The following SCO2 variants were observed in gnomAD, a reference collection of about 807,000 sequenced individuals.
SCO2 encodes cytochrome c oxidase assembly factor SCO2.
For synonymous variants in SCO2, 195 were observed against 148.6 expected (o/e 1.31, Z -2.27); for missense variants, 429 against 348.7 (o/e 1.23, Z -1.83).
Position 50,523,582 on chromosome 22 carries a change from T to C in SCO2, c.*29A>G, listed in dbSNP as rs2069182922. 6.2e-7 allele frequency: 1 copy of C among 1,611,128 alleles called. No homozygotes were observed. The highest frequency in any genetic ancestry group is 1.3e-5 in the African/African-American group (1 of 74,852). ...ACACACACAGATTAAACGCAGCCCG[T>C]TTAATGATGGGGCCCAGACTGCAGT... On this transcript the variant is annotated 3_prime_UTR_variant, in exon 2 of 2. Transcript: ENST00000395693.
At chr22:50,524,732 C>T in intron 1 of SCO2, 3 of 576,358 alleles carry the variant, frequency 5.2e-6, no homozygotes, top group Non-Finnish European at 1.0e-5. Context: ...CATGCCTTGC[C>T]TGAACTAACC....
At chr22:50,525,195 G>T (rs1268195941) in intron 1 of SCO2, among the ~76,000 whole-genome samples, 1 of 152,252 alleles carries the variant, frequency 6.6e-6, no homozygotes, top group Non-Finnish European at 1.5e-5. Context: ...GGGCGGTTCT[G>T]GGTTTGTGCC....
intron 1 of SCO2, 34 bp from the exon 2 acceptor site, chr22:50,524,458 G>A (rs766166937): frequency 3.1e-6 from 5 of 1,592,604 alleles, no homozygotes; most frequent in African/African-American, 2.7e-5. Flanking sequence ...GAGCCAGAAG[G>A]GAAGGCCCAG....
chr22:50,523,812 C>T lies in SCO2; in HGVS notation c.600G>A (p.Gln200=), dbSNP rs1308401413. The T allele has an allele frequency of 6.2e-7, 1 of 1,614,006 alleles. No homozygotes were observed. The highest frequency in any genetic ancestry group is 8.5e-7 in the Non-Finnish European group (1 of 1,180,040). Residue 200 remains glutamine (Q), a synonymous_variant, in exon 2 of 2, where the codon CAG becomes CAA. Coordinates refer to ENST00000395693, the MANE Select transcript of SCO2 (RefSeq NM_005138.3). The stretch of plus-strand genomic sequence containing the variant: ...AGTACACGCGGTAACTGTGACTAGC[C>T]TGGGCAACCTGTTTGGTGGAGCCGG... ...GLTGSTKQVA[Q]ASHSYRVYYN...
upstream of SCO2, chr22:50,525,726 C>A: frequency 6.3e-7 from 1 of 1,594,766 alleles, no homozygotes; most frequent in Non-Finnish European, 8.5e-7. Flanking sequence ...CTGGATCCTT[C>A]CGCTCCCGCC....
chr22:50,525,791 G>C (rs763533420), upstream of SCO2: 10 of 1,610,716 alleles, frequency 6.2e-6, no homozygotes, highest in African/African-American at 4.0e-5. Flanking sequence ...GCGGCAGAAC[G>C]AGCTCTGCGA....
upstream of SCO2, chr22:50,526,267 C>T: frequency 1.3e-6 from 2 of 1,540,628 alleles, no homozygotes; most frequent in Non-Finnish European, 8.7e-7. Context: ...GCCAGCAGCT[C>T]CTCCTGCTCC....
upstream of SCO2, chr22:50,526,336 C>T: frequency 7.7e-6 from 12 of 1,561,282 alleles, 1 homozygote; most frequent in Non-Finnish European, 1.0e-5. Context: ...AGGGCTCGGG[C>T]CAGACCGGGA....
Position 50,523,826 on chromosome 22 carries a change from T to A in SCO2, c.586A>T (p.Lys196Ter). ...CTGTGACTAGCCTGGGCAACCTGTT[T>A]GGTGGAGCCGGTCAGACCCAACAGT... The part of the protein sequence containing the change: ...PRLLGLTGST[K>*]QVAQASHSYR... Residue 196 changes from lysine (K) to a stop codon, truncating the protein, a stop_gained, in exon 2 of 2, where the codon AAA becomes TAA. Transcript: ENST00000395693. LOFTEE classifies it high-confidence loss of function. The A allele has an allele frequency of 6.2e-7, 1 of 1,614,068 alleles. No homozygotes were observed. Among genetic ancestry groups the A allele is most frequent in the Non-Finnish European group, 8.5e-7 (1 of 1,180,026 alleles).
At chr22:50,526,022 C>A, upstream of SCO2, 1 of 1,472,644 alleles carries the variant, frequency 6.8e-7, no homozygotes, top group South Asian at 1.3e-5. Flanking sequence ...CTCTGACCCA[C>A]GTCGACCAGC....
chr22:50,524,793 T>C (rs2069261970), intron 1 of SCO2: 1 of 400,902 alleles, frequency 2.5e-6, no homozygotes, highest in South Asian at 1.9e-5. Context: ...TGGGTAACTC[T>C]CTGGCTTGCA....
upstream of SCO2, chr22:50,525,663 CG>C: frequency 6.6e-7 from 1 of 1,508,236 alleles, no homozygotes; most frequent in South Asian, 1.2e-5. Context: ...GCGCGGAAGG[CG>C]GAGCCCGCCG....
At position 50,525,594 on chromosome 22, in the gene SCO2, G is replaced by C; in HGVS notation, c.-136C>G. ...CCACACGCTCACAGGCAGGGCGCAG[G>C]CGTCCCCGGAGCTGCGCATGCGCAC... On this transcript the variant is annotated 5_prime_UTR_variant, in exon 1 of 2. Coordinates refer to ENST00000395693, the MANE Select transcript of SCO2 (RefSeq NM_005138.3). The C allele has an allele frequency of 1.0e-6, 1 of 961,442 alleles. No individual in the cohort carries two copies. Among genetic ancestry groups the C allele is most frequent in the South Asian group, 1.5e-5 (1 of 67,836 alleles). 59.6% of individuals were successfully genotyped at this position (961,442 alleles called of 1,614,324 possible).
At chr22:50,525,747 C>T, upstream of SCO2, 2 of 1,608,250 alleles carry the variant, frequency 1.2e-6, no homozygotes, top group Middle Eastern at 1.7e-4. Context: ...CAAGCACTGA[C>T]AAGGTTTCGC....
At chr22:50,526,252 CG>C, upstream of SCO2, 2 of 1,534,134 alleles carry the variant, frequency 1.3e-6, no homozygotes, top group Non-Finnish European at 8.7e-7. Flanking sequence ...TCACCATCTG[CG>C]GGCGCCAGCA....
At chr22:50,525,728 G>C, upstream of SCO2, 1 of 1,596,410 alleles carries the variant, frequency 6.3e-7, no homozygotes, top group South Asian at 1.1e-5. Flanking sequence ...GGATCCTTCC[G>C]CTCCCGCCCA....
At chr22:50,524,877 C>G (rs2069267300) in intron 1 of SCO2, 1 of 357,902 alleles carries the variant, frequency 2.8e-6, no homozygotes, top group African/African-American at 2.1e-5. Context: ...CGGCCTTCCT[C>G]CACACTCCCA....
rs527888621 is a variant in SCO2 at position 50,524,270 on chromosome 22, C to T, written c.142G>A (p.Gly48Arg). ...CCAGGGCCCTGGGGCTGGCCCTGCCCACCTGTCTCTGCAGGGCCCTGCCTT... is the reference window on the plus strand; with the variant it reads ...CCAGGGCCCTGGGGCTGGCCCTGCCTACCTGTCTCTGCAGGGCCCTGCCTT... ...LSRQGPAETG[G>R]QGQPQGPGLR... The change falls in exon 2 of 2, where the codon GGG becomes AGG. Residue 48 changes from glycine to arginine, a missense_variant. Coordinates refer to ENST00000395693, the MANE Select transcript of SCO2 (RefSeq NM_005138.3). 1.2e-5 allele frequency: 19 copies of T among 1,604,284 alleles called. No homozygotes were observed. The highest frequency in any genetic ancestry group is 1.7e-5 in the Admixed American group (1 of 59,996).
upstream of SCO2, chr22:50,525,626 G>C: frequency 7.8e-7 from 1 of 1,278,470 alleles, no homozygotes; most frequent in Non-Finnish European, 1.1e-6. Flanking sequence ...GCACACGGGC[G>C]CAGCCGCTGA....
Sources: gnomAD v4.1 joint callset for allele counts (sites outside exome capture counted in the v4.1 genomes callset) on GRCh38, gnomAD v4.1.1 for gene constraint, MANE v1.5 for transcripts, NCBI Gene and HGNC (gene_info 2026-07-23, HGNC 2026-07-21) for gene names.